Variants in DPF3 observed in about 807,000 individuals in gnomAD.
The protein encoded by DPF3 is zinc finger protein DPF3.
Under a neutral mutation model 56.8 loss-of-function variants are expected in DPF3, and 18 were observed. The observed-to-expected ratio is 0.32, with a 90% CI of 0.22 to 0.47. DPF3 has a LOEUF of 0.47. Among genes scored for constraint, DPF3 ranks in the 20% least tolerant of loss-of-function variants. The pLI is 1.00. For missense variants in DPF3, 403 were observed against 488.8 expected, an observed-to-expected ratio of 0.82 and a Z score of 1.65; for synonymous variants, 188 against 180.2, an observed-to-expected ratio of 1.04 and a Z score of -0.35.
chr14:72,861,026 TACACACACACAC>T (rs10570653), intron 1 of DPF3, among the ~76,000 whole-genome samples: 14,872 of 147,864 alleles, frequency 0.1, 879 homozygotes, highest in Admixed American at 0.18. Flanking sequence ...GTTCTCACTA[TACACACACACAC>T]ACACACACAC....
intron 1 of DPF3, among the ~76,000 whole-genome samples, chr14:72,881,306 T>C (rs1886312251): frequency 2.1e-5 from 1 of 48,760 alleles, no homozygotes; most frequent in Non-Finnish European, 7.2e-5. Flanking sequence ...GTTGTTGTTG[T>C]TGTTGTTGTT....
At chr14:72,684,482 A>C (rs989158042) in intron 7 of DPF3, among the ~76,000 whole-genome samples, 2 of 148,504 alleles carry the variant, frequency 1.3e-5, no homozygotes, top group Middle Eastern at 3.2e-3. Flanking sequence ...GATGAATCCT[A>C]ATATTTCACT....
rs557667289 is a variant in DPF3, at chr14:72,799,132, G to T, written c.33-27239C>A. On this transcript the variant is annotated intron_variant, in intron 1 of 10. Coordinates refer to ENST00000556509, the MANE Select transcript of DPF3 (RefSeq NM_001280542.3). ...GCTGAATGGATGGGCAACACTGGCC[G>T]TGCTCAGGGCTCTGGGTCTTCCTTG... Among the ~76,000 whole-genome samples, 4 of 152,166 alleles carry T rather than the reference G, an allele frequency of 2.6e-5. No individual in the cohort carries two copies. In the South Asian group the frequency reaches 6.2e-4, roughly 24 times the overall value.
intron 7 of DPF3, among the ~76,000 whole-genome samples, chr14:72,675,290 G>T (rs1035821639): frequency 7.9e-5 from 12 of 152,178 alleles, no homozygotes; most frequent in African/African-American, 2.9e-4. Context: ...GCCTTGAACA[G>T]ATTATTTGCA....
intron 8 of DPF3, chr14:72,670,156 AC>A (rs1400438400): frequency 1.0e-6 from 1 of 985,804 alleles, no homozygotes; most frequent in African/African-American, 1.7e-5. Context: ...GGGTATTGAT[AC>A]GTTTCTTAAC....
At chr14:72,736,242 T>G (rs914441223) in intron 3 of DPF3, among the ~76,000 whole-genome samples, 3 of 152,222 alleles carry the variant, frequency 2.0e-5, no homozygotes, top group Non-Finnish European at 4.4e-5. Context: ...ACGCAAAATT[T>G]TACATTCTTT....
intron 1 of DPF3, among the ~76,000 whole-genome samples, chr14:72,812,984 T>C (rs1204638518): frequency 6.6e-6 from 1 of 151,954 alleles, no homozygotes; most frequent in Non-Finnish European, 1.5e-5. Context: ...TCCCCTCTGG[T>C]TTCCCAGACA....
At chr14:72,624,729 A>G (rs191274339) in intron 9 of DPF3, among the ~76,000 whole-genome samples, 2 of 152,090 alleles carry the variant, frequency 1.3e-5, no homozygotes, top group Admixed American at 1.3e-4. Flanking sequence ...AATCTGTGAC[A>G]GTTCCTCAGT....
intron 8 of DPF3, among the ~76,000 whole-genome samples, chr14:72,635,936 AT>A (rs1218177997): frequency 6.6e-6 from 1 of 152,240 alleles, no homozygotes; most frequent in Non-Finnish European, 1.5e-5. Context: ...TGGAATCAGC[AT>A]GGTCTATTAT....
At chr14:72,760,366 T>A (rs550519477) in intron 2 of DPF3, among the ~76,000 whole-genome samples, 1 of 152,240 alleles carries the variant, frequency 6.6e-6, no homozygotes, top group East Asian at 1.9e-4. Context: ...TCAACACATC[T>A]ACTCTGACTC....
intron 1 of DPF3, among the ~76,000 whole-genome samples, chr14:72,781,212 A>C (rs1474572399): frequency 1.3e-5 from 2 of 152,180 alleles, no homozygotes; most frequent in Non-Finnish European, 1.5e-5. Flanking sequence ...GCTGGCATGG[A>C]TTACCCTGGC....
intron 8 of DPF3, among the ~76,000 whole-genome samples, chr14:72,663,166 C>CA (rs56335418): frequency 0.095 from 8,416 of 88,550 alleles, 762 homozygotes; most frequent in African/African-American, 0.23. Flanking sequence ...TGGGTGTTAG[C>CA]AAAAAAAAAA....
intron 1 of DPF3, among the ~76,000 whole-genome samples, chr14:72,810,138 C>G (rs1394450942): frequency 2.6e-5 from 4 of 152,120 alleles, no homozygotes; most frequent in Non-Finnish European, 4.4e-5. Flanking sequence ...AGGGAAGATG[C>G]GAATAAGGGC....
At chr14:72,707,605 C>G (rs1004851417) in intron 6 of DPF3, among the ~76,000 whole-genome samples, 2 of 152,210 alleles carry the variant, frequency 1.3e-5, no homozygotes, top group African/African-American at 2.4e-5. Context: ...GAAAGATGTT[C>G]CTGATGTATC....
intron 1 of DPF3, among the ~76,000 whole-genome samples, chr14:72,795,278 A>C (rs1318009861): frequency 5.4e-5 from 1 of 18,480 alleles, no homozygotes; most frequent in Non-Finnish European, 8.7e-5. Flanking sequence ...TCTTTTTGAC[A>C]AAAAAAAAAA....
intron 3 of DPF3, among the ~76,000 whole-genome samples, chr14:72,742,252 T>A (rs1439437087): frequency 6.6e-6 from 1 of 152,032 alleles, no homozygotes; most frequent in African/African-American, 2.4e-5. Context: ...AAATGACTGG[T>A]CATTTCCCCC....
intron 1 of DPF3, among the ~76,000 whole-genome samples, chr14:72,809,941 G>T (rs975494206): frequency 1.3e-5 from 2 of 152,154 alleles, no homozygotes; most frequent in African/African-American, 2.4e-5. Context: ...CTGAGAAATG[G>T]GGATATAAAA....
At chr14:72,655,253 A>G (rs1384284666) in intron 8 of DPF3, among the ~76,000 whole-genome samples, 1 of 152,186 alleles carries the variant, frequency 6.6e-6, no homozygotes, top group Non-Finnish European at 1.5e-5. Context: ...TCTTTTCTGA[A>G]GCAGAATTTT....
chr14:72,727,502 G>A (rs1889453442), intron 4 of DPF3, among the ~76,000 whole-genome samples: 1 of 151,864 alleles, frequency 6.6e-6, no homozygotes, highest in African/African-American at 2.4e-5. Flanking sequence ...TTTGAACCTG[G>A]GAGGTGGAGG....
Sources: allele counts gnomAD v4.1 joint callset (sites outside exome capture counted in the v4.1 genomes callset), GRCh38; gene constraint gnomAD v4.1.1; transcripts MANE v1.5; gene names NCBI Gene and HGNC (gene_info 2026-07-23, HGNC 2026-07-21).